DNAH11: variants seen among roughly 807,000 people sequenced by gnomAD.
The protein encoded by DNAH11 is axonemal beta dynein heavy chain 11.
DNAH11 carries 442 observed loss-of-function variants against 526.0 expected under a neutral mutation model. That is an observed-to-expected ratio of 0.84 (90% CI 0.78 to 0.91). The LOEUF is 0.91. DNAH11 is among the 40% of genes least tolerant of loss of function. DNAH11 has a pLI of 0.00. For synonymous variants in DNAH11, 2,461 were observed against 1,935.9 expected, an observed-to-expected ratio of 1.27 and a Z score of -7.12; for missense variants, 6,989 against 5,448.7, an observed-to-expected ratio of 1.28 and a Z score of -8.90.
chr7:21,866,019 C>T (rs934355547), intron 70 of DNAH11, among the ~76,000 whole-genome samples: 2 of 152,160 alleles, frequency 1.3e-5, no homozygotes, highest in African/African-American at 2.4e-5. Flanking sequence ...AGCCAACTTC[C>T]TTACTGCAAG....
Position 21,748,734 on chromosome 7 carries a change from G to C in DNAH11, c.8665G>C (p.Glu2889Gln). Residue 2889 changes from glutamate to glutamine, a missense_variant, in exon 52 of 82, where the codon GAA becomes CAA. Physicochemically the swap from Glu to Gln is conservative, Grantham distance 29 (BLOSUM62 2). Transcript: ENST00000409508. Reference protein sequence around the residue: ...ITLTEGYGIQELRVDLANLYI... With the variant: ...ITLTEGYGIQQLRVDLANLYI... ...TCTGACCGAGGGCTATGGAATCCAG[G>C]AACTTCGGGTGAGTCAAGGGGACAG... 1 of 1,613,240 alleles carries C rather than the reference G, an allele frequency of 6.2e-7. No homozygotes were observed.
rs1156473739 is a variant in DNAH11 at position 21,711,772 on chromosome 7, G to T, written c.6895G>T (p.Glu2299Ter). ...CACTCCCTTCATGAGGCTTCTGTTT[G>T]AGATACATCACTTAAGGAGCGCAAC... ...ALTPFMRLLFEIHHLRSATPA... is the reference protein window; with the variant it reads ...ALTPFMRLLF The change falls in exon 42 of 82, where the codon GAG (glutamate) becomes TAG (stop). Residue 2299 changes from glutamate (E) to a stop codon, truncating the protein, a stop_gained. Transcript: ENST00000409508. LOFTEE classifies it high-confidence loss of function. 2 of 1,613,924 alleles carry T rather than the reference G, an allele frequency of 1.2e-6. No homozygotes were observed. Among genetic ancestry groups the T allele is most frequent in the Non-Finnish European group, 1.7e-6 (2 of 1,179,840 alleles).
intron 61 of DNAH11, 65 bp downstream of exon 61, chr7:21,789,407 C>A: frequency 1.9e-6 from 2 of 1,078,338 alleles, no homozygotes; most frequent in South Asian, 1.6e-5. Flanking sequence ...CCTTAGGATT[C>A]CACCCTCAGA....
chr7:21,741,793 A>G lies in DNAH11; in HGVS notation c.7915-134A>G, dbSNP rs35579713. On this transcript the variant is annotated intron_variant, in intron 48 of 81. Transcript: ENST00000409508. ...TTAAGTAAATCACATGGCCAACCCC[A>G]GAGTCAGAGTGGAGCACTAAAAAGC... The G allele has an allele frequency of 0.18, 178,864 of 990,940 alleles. 17,009 individuals are homozygous for G. Among genetic ancestry groups the G allele is most frequent in the Admixed American group, 0.28 (10,061 of 36,270 alleles). 61.4% of individuals were successfully genotyped at this position (990,940 alleles called of 1,614,324 possible).
At chr7:21,648,839 C>T (rs1787491285) in intron 28 of DNAH11, among the ~76,000 whole-genome samples, 1 of 152,078 alleles carries the variant, frequency 6.6e-6, no homozygotes, top group Non-Finnish European at 1.5e-5. Flanking sequence ...TTGATTAAAA[C>T]AAGTACTAAT....
At chr7:21,883,263 C>T (rs1783992832) in intron 75 of DNAH11, among the ~76,000 whole-genome samples, 1 of 152,220 alleles carries the variant, frequency 6.6e-6, no homozygotes, top group Non-Finnish European at 1.5e-5. Flanking sequence ...AGGCAGTATA[C>T]TGCCCCCGAA....
chr7:21,672,848 A>G (rs1256056327), intron 30 of DNAH11, among the ~76,000 whole-genome samples: 2 of 152,200 alleles, frequency 1.3e-5, no homozygotes, highest in African/African-American at 2.4e-5. Flanking sequence ...AGCCACCACT[A>G]TGTATCAGGA....
chr7:21,555,914 C>A (rs1404687649), intron 2 of DNAH11, among the ~76,000 whole-genome samples: 2 of 152,162 alleles, frequency 1.3e-5, no homozygotes, highest in African/African-American at 4.8e-5. Flanking sequence ...TTTACCCATC[C>A]GAACCCAAAG....
intron 32 of DNAH11, among the ~76,000 whole-genome samples, chr7:21,686,240 T>G (rs888519650): frequency 5.3e-5 from 8 of 152,180 alleles, no homozygotes; most frequent in African/African-American, 1.9e-4. Context: ...AGGAGAAAAC[T>G]GAGGTGTGTT....
chr7:21,633,258 C>A (rs1786701380), intron 25 of DNAH11, among the ~76,000 whole-genome samples: 1 of 152,184 alleles, frequency 6.6e-6, no homozygotes, highest in Non-Finnish European at 1.5e-5. Context: ...GAGAATGTTT[C>A]ATTTGCACTT....
intron 49 of DNAH11, 74 bp downstream of exon 49, chr7:21,742,240 A>T (rs1307283167): frequency 2.0e-6 from 3 of 1,499,596 alleles, no homozygotes; most frequent in Non-Finnish European, 2.7e-6. Flanking sequence ...CCCATTTTTT[A>T]TGTCACTATA....
Position 21,861,926 on chromosome 7 carries a change from T to A in DNAH11, c.11276T>A (p.Ile3759Asn), listed in dbSNP as rs746315507. ...GAAGACATGCAGGGACGCATCTCTATCCTGATGGAGAGCATCACCCATGCT... is the reference window on the plus strand; with the variant it reads ...GAAGACATGCAGGGACGCATCTCTAACCTGATGGAGAGCATCACCCATGCT... ...KVEDMQGRIS[I>N]LMESITHAVF... The change falls in exon 69 of 82, where the codon ATC (isoleucine) becomes AAC (asparagine). Residue 3759 changes from isoleucine (I) to asparagine (N), a missense_variant. Ile to Asn is a moderately radical substitution (Grantham distance 149). Transcript: ENST00000409508. The A allele has an allele frequency of 7.4e-6, 12 of 1,613,526 alleles. No homozygotes were observed. In the East Asian group the frequency reaches 2.2e-4, roughly 30 times the overall value.
At chr7:21,819,410 T>G (rs139317126) in intron 65 of DNAH11, among the ~76,000 whole-genome samples, 2 of 152,300 alleles carry the variant, frequency 1.3e-5, no homozygotes, top group African/African-American at 4.8e-5. Context: ...AATTGTTTAA[T>G]AAACCAAAAT....
At chr7:21,651,041 T>C (rs1369158628) in intron 28 of DNAH11, among the ~76,000 whole-genome samples, 1 of 152,112 alleles carries the variant, frequency 6.6e-6, no homozygotes, top group Non-Finnish European at 1.5e-5. Flanking sequence ...GGACTCACTT[T>C]ATCTCATTCT....
chr7:21,737,680 G>T (rs1258183719), intron 46 of DNAH11, among the ~76,000 whole-genome samples: 1 of 152,184 alleles, frequency 6.6e-6, no homozygotes, highest in Non-Finnish European at 1.5e-5. Flanking sequence ...GCTGTGGTTG[G>T]ACAAACATGG....
chr7:21,566,427 C>G (rs1397277346), intron 6 of DNAH11, among the ~76,000 whole-genome samples: 1 of 152,134 alleles, frequency 6.6e-6, no homozygotes. Flanking sequence ...ATAGCTGGTT[C>G]CCTGAAGCAC....
chr7:21,810,002 T>C (rs935067403), intron 63 of DNAH11, among the ~76,000 whole-genome samples: 8 of 152,224 alleles, frequency 5.3e-5, no homozygotes, highest in Admixed American at 4.6e-4. Context: ...AAGTGATAAC[T>C]GAAATCAAAC....
intron 65 of DNAH11, among the ~76,000 whole-genome samples, chr7:21,830,680 A>AT (rs1352000345): frequency 6.8e-6 from 1 of 147,320 alleles, no homozygotes; most frequent in Non-Finnish European, 1.5e-5. Flanking sequence ...CTTTAGGTCC[A>AT]TAAAAAAAAA....
intron 25 of DNAH11, among the ~76,000 whole-genome samples, chr7:21,630,052 A>G (rs1346604138): frequency 6.6e-6 from 1 of 151,706 alleles, no homozygotes; most frequent in Non-Finnish European, 1.5e-5. Flanking sequence ...TTTTAATTCA[A>G]TGCTTTTTAT....
Sources: gnomAD v4.1 joint callset for allele counts (sites outside exome capture counted in the v4.1 genomes callset) on GRCh38, gnomAD v4.1.1 for gene constraint, MANE v1.5 for transcripts, NCBI Gene and HGNC (gene_info 2026-07-23, HGNC 2026-07-21) for gene names.